PLB1: variants seen among roughly 807,000 people sequenced by gnomAD.
PLB1 encodes phospholipase B1, also known as phospholipase B1, membrane-associated.
A neutral mutation model predicts 227.4 loss-of-function variants in PLB1; 242 were observed. The observed-to-expected ratio is 1.06, with a 90% CI of 0.96 to 1.18. The LOEUF is 1.18. Ranked by LOEUF, PLB1 falls within the 50% of genes most tolerant of loss-of-function variation. The probability of loss-of-function intolerance (pLI) is 0.00; values close to 1 mark genes in which losing one functional copy is unlikely to be tolerated. For missense variants in PLB1, 1,858 were observed against 1,816.3 expected, an observed-to-expected ratio of 1.02 and a Z score of -0.42; for synonymous variants, 757 against 682.2, an observed-to-expected ratio of 1.11 and a Z score of -1.71.
At chr2:28,604,129 C>T (rs1324247253) in intron 40 of PLB1, 82 bp downstream of exon 40, 12 of 1,343,244 alleles carry the variant, frequency 8.9e-6, no homozygotes, top group African/African-American at 1.4e-5. Context: ...AGAGGAGGCA[C>T]ACAGGGAAGG....
At chr2:28,619,966 C>T (rs1200201430) in intron 46 of PLB1, among the ~76,000 whole-genome samples, 2 of 151,960 alleles carry the variant, frequency 1.3e-5, no homozygotes, top group Non-Finnish European at 2.9e-5. Flanking sequence ...GCGTATTGCC[C>T]GTGGCAGGGA....
At position 28,626,471 on chromosome 2, in the gene PLB1, T is replaced by C. The variant is rs550204477; in HGVS notation, c.3623T>C (p.Ile1208Thr). ...EKDWKLVTLF[I>T]GVNDLCHYCE... is the part of the protein sequence containing the mutation. ...GACTGGAAGCTGGTCACACTCTTCA[T>C]TGGGGTCAACGACTTGTGTCATTAC... is the stretch of plus-strand genomic sequence containing the variant. The change falls in exon 51 of 58, where the codon ATT (isoleucine) becomes ACT (threonine). Residue 1208 changes from isoleucine to threonine, a missense_variant. Transcript: ENST00000327757. 2.6e-5 allele frequency: 42 copies of C among 1,614,158 alleles called. No individual in the cohort carries two copies. Among genetic ancestry groups the C allele is most frequent in the Admixed American group, 2.5e-4 (15 of 60,028 alleles).
chr2:28,616,615 C>T (rs976238046), intron 44 of PLB1, among the ~76,000 whole-genome samples: 36 of 152,328 alleles, frequency 2.4e-4, no homozygotes, highest in Non-Finnish European at 4.3e-4. Flanking sequence ...CTCTGGTTCA[C>T]CAACTATCTG....
intron 20 of PLB1, among the ~76,000 whole-genome samples, chr2:28,572,636 A>G (rs548000241): frequency 1.4e-4 from 22 of 152,332 alleles, no homozygotes; most frequent in African/African-American, 5.1e-4. Flanking sequence ...ACGCTAAGGG[A>G]AAGAGGCCAG....
intron 8 of PLB1, among the ~76,000 whole-genome samples, chr2:28,530,819 G>A (rs1428021154): frequency 1.3e-5 from 2 of 152,228 alleles, no homozygotes; most frequent in East Asian, 3.8e-4. Context: ...AGGCATATAA[G>A]GACAGGGATT....
At chr2:28,598,856 G>A (rs1683408186) in intron 35 of PLB1, 96 bp downstream of exon 35, 1 of 1,066,832 alleles carries the variant, frequency 9.4e-7, no homozygotes, top group Non-Finnish European at 1.5e-6. Context: ...TGTGCAAAGG[G>A]GCACTTAGCC....
intron 16 of PLB1, among the ~76,000 whole-genome samples, chr2:28,552,211 T>C (rs75999643): frequency 0.028 from 4,196 of 152,192 alleles, 97 homozygotes; most frequent in Middle Eastern, 0.071. Flanking sequence ...TTCCAAAGGA[T>C]ACCCACGACC....
At chr2:28,637,012 G>GGCC in intron 56 of PLB1, among the ~76,000 whole-genome samples, 1 of 152,250 alleles carries the variant, frequency 6.6e-6, no homozygotes, top group Non-Finnish European at 1.5e-5. Flanking sequence ...GTTTACTTGA[G>GGCC]GCCGGGTACA....
At chr2:28,565,148 A>G in intron 18 of PLB1, 132 bp from the exon 19 acceptor site, 1 of 704,786 alleles carries the variant, frequency 1.4e-6, no homozygotes, top group Non-Finnish European at 2.5e-6. Flanking sequence ...ACATGGTGCC[A>G]TCTAGACCCT....
chr2:28,618,786 A>G (rs1466714326), intron 46 of PLB1, among the ~76,000 whole-genome samples: 1 of 152,012 alleles, frequency 6.6e-6, no homozygotes. Flanking sequence ...CATGCTCCCT[A>G]CTCCATTTAA....
At chr2:28,531,550 A>T (rs1189763324) in intron 8 of PLB1, among the ~76,000 whole-genome samples, 1 of 152,176 alleles carries the variant, frequency 6.6e-6, no homozygotes, top group Non-Finnish European at 1.5e-5. Context: ...ACCTCAGGTG[A>T]TCCGCCCAAC....
chr2:28,618,447 G>C lies in PLB1; in HGVS notation c.3315+48G>C, dbSNP rs763655164. 5.1e-6 allele frequency: 8 copies of C among 1,575,258 alleles called. No individual in the cohort carries two copies. In the East Asian group the frequency reaches 1.8e-4, roughly 35 times the overall value. ...GGATGGGCAGCTCAGAGTCCAGCCA[G>C]GCCCTGCGCAGAATCTGTGCTTCCC... On this transcript the variant is annotated intron_variant, in intron 46 of 57. Coordinates refer to ENST00000327757, the MANE Select transcript of PLB1 (RefSeq NM_153021.5).
Position 28,618,393 on chromosome 2 carries a change from T to C in PLB1, c.3309T>C (p.Ser1103=), listed in dbSNP as rs1047151499. The change falls in exon 46 of 58, where the codon TCT becomes TCC. Residue 1103 remains serine, a synonymous_variant. Coordinates refer to ENST00000327757, the MANE Select transcript of PLB1 (RefSeq NM_153021.5). ...DIKVVAALGD[S]LTTAVGARPN... ...AAGTGGTGGCCGCCCTGGGTGACTCTCTGACTGTGAGTAGTGAGCCATGAA... is the reference window on the plus strand; with the variant it reads ...AAGTGGTGGCCGCCCTGGGTGACTCCCTGACTGTGAGTAGTGAGCCATGAA... 1.2e-6 allele frequency: 2 copies of C among 1,613,878 alleles called. No homozygotes were observed. The highest frequency in any genetic ancestry group is 1.7e-5 in the Admixed American group (1 of 60,006).
In PLB1 at chr2:28,630,159, C is replaced by T. The variant is rs560459684; in HGVS notation, c.3819-427C>T. Among the ~76,000 whole-genome samples the T allele has an allele frequency of 2.6e-5, 4 of 152,268 alleles. No individual in the cohort carries two copies. In the South Asian group the frequency reaches 8.3e-4, roughly 32 times the overall value. ...AGCAGTTGCAGGAAGAGCTGAGAGG[C>T]CCCCGGAACTTGAGGAGCGATTCCA... On this transcript the variant is annotated intron_variant, in intron 53 of 57. Coordinates refer to ENST00000327757, the MANE Select transcript of PLB1 (RefSeq NM_153021.5).
intron 28 of PLB1, 48 bp from the exon 29 acceptor site, chr2:28,589,957 T>C: frequency 6.4e-7 from 1 of 1,557,352 alleles, no homozygotes; most frequent in Non-Finnish European, 8.9e-7. Context: ...GAGCTTTCCA[T>C]TCTGGCCGCC....
intron 38 of PLB1, 100 bp from the exon 39 acceptor site, chr2:28,602,721 A>T: frequency 9.5e-7 from 1 of 1,053,002 alleles, no homozygotes; most frequent in Non-Finnish European, 1.5e-6. Context: ...CTCCAGAAAG[A>T]CCAAGCTGGA....
chr2:28,579,683 C>T lies in PLB1; in HGVS notation c.1542C>T (p.Asp514=), dbSNP rs1679594106. 2.5e-6 allele frequency: 4 copies of T among 1,613,240 alleles called. No homozygotes were observed. The highest frequency in any genetic ancestry group is 3.4e-6 in the Non-Finnish European group (4 of 1,179,316). ...KIITLFIGGN[D]LCDFCNDLVH... is the part of the protein sequence containing the mutation. Reference sequence around the variant, plus strand: ...TAACCCTGTTTATAGGCGGCAATGACCTCTGTGATTTCTGCAATGATCTGG... The same window carrying T: ...TAACCCTGTTTATAGGCGGCAATGATCTCTGTGATTTCTGCAATGATCTGG... Residue 514 remains aspartate, a synonymous_variant, in exon 23 of 58, where the codon GAC becomes GAT. Transcript: ENST00000327757.
At chr2:28,597,938 A>G (rs1683228563) in intron 33 of PLB1, 67 bp from the exon 34 acceptor site, 1 of 1,476,442 alleles carries the variant, frequency 6.8e-7, no homozygotes, top group Non-Finnish European at 9.5e-7. Context: ...CTCTTGTGTA[A>G]AGTTCCTAGA....
Position 28,539,135 on chromosome 2 carries a change from G to A in PLB1, c.655G>A (p.Glu219Lys). ...RAFVNLVDLS[E>K]VAEVSRQYHG... Reference sequence around the variant, plus strand: ...ATTTGTAAACCTGGTGGACCTCTCTGAGGTTGCAGAGGTCTCTCGTCAGTA... The same window carrying A: ...ATTTGTAAACCTGGTGGACCTCTCTAAGGTTGCAGAGGTCTCTCGTCAGTA... The change falls in exon 11 of 58, where the codon GAG (glutamate) becomes AAG (lysine). Residue 219 changes from glutamate (E) to lysine (K), a missense_variant. By Grantham distance (56) the Glu-to-Lys change is moderately conservative (BLOSUM62 1). Transcript: ENST00000327757. 1 of 1,614,074 alleles carries A rather than the reference G, an allele frequency of 6.2e-7. No homozygotes were observed. Among genetic ancestry groups the A allele is most frequent in the Non-Finnish European group, 8.5e-7 (1 of 1,179,904 alleles).
Sources: gnomAD v4.1 joint callset for allele counts (sites outside exome capture counted in the v4.1 genomes callset) on GRCh38, gnomAD v4.1.1 for gene constraint, MANE v1.5 for transcripts, NCBI Gene and HGNC (gene_info 2026-07-23, HGNC 2026-07-21) for gene names.